Variants in SLX4IP observed in about 807,000 individuals in gnomAD.
SLX4IP encodes SLX4 interacting protein.
A neutral mutation model predicts 32.9 loss-of-function variants in SLX4IP; 34 were observed. The observed-to-expected ratio is 1.03, with a 90% confidence interval of 0.79 to 1.38. The LOEUF is 1.38. SLX4IP is among the 40% of genes most tolerant of loss of function. SLX4IP has a pLI of 0.00. For missense variants in SLX4IP, 444 were observed against 479.0 expected, an observed-to-expected ratio of 0.93 and a Z score of 0.68; for synonymous variants, 172 against 171.7, an observed-to-expected ratio of 1.00 and a Z score of -0.01.
chr20:10,530,825 C>T (rs1204790876), intron 2 of SLX4IP, among the ~76,000 whole-genome samples: 1 of 152,064 alleles, frequency 6.6e-6, no homozygotes, highest in Non-Finnish European at 1.5e-5. Context: ...TACCAAGACT[C>T]TTCCAAAAAA....
intron 2 of SLX4IP, among the ~76,000 whole-genome samples, chr20:10,493,453 T>C (rs2065642357): frequency 6.6e-6 from 1 of 152,222 alleles, no homozygotes; most frequent in Non-Finnish European, 1.5e-5. Flanking sequence ...CCACCAACCA[T>C]ATCGAACTCC....
chr20:10,590,473 G>A (rs1362756796), intron 4 of SLX4IP, among the ~76,000 whole-genome samples: 1 of 152,020 alleles, frequency 6.6e-6, no homozygotes, highest in African/African-American at 2.4e-5. Flanking sequence ...CAATTCTCCT[G>A]CCTCAGCCTC....
At chr20:10,458,933 G>A (rs569198085) in intron 2 of SLX4IP, among the ~76,000 whole-genome samples, 7 of 152,202 alleles carry the variant, frequency 4.6e-5, no homozygotes, top group African/African-American at 1.7e-4. Flanking sequence ...TTAGGGAATC[G>A]CCACACTGTC....
chr20:10,439,417 CCAGACCTGTCT>C (rs2065142780), intron 1 of SLX4IP, among the ~76,000 whole-genome samples: 1 of 152,036 alleles, frequency 6.6e-6, no homozygotes, highest in African/African-American at 2.4e-5. Flanking sequence ...ACCATGTTAC[CCAGACCTGTCT>C]CAAACTCCTG....
At chr20:10,507,428 G>T (rs1051142011) in intron 2 of SLX4IP, among the ~76,000 whole-genome samples, 1 of 152,110 alleles carries the variant, frequency 6.6e-6, no homozygotes, top group South Asian at 2.1e-4. Flanking sequence ...TATAGTCCAC[G>T]GCAGGGGTTT....
At chr20:10,601,557 G>A (rs909314369) in intron 5 of SLX4IP, among the ~76,000 whole-genome samples, 174 bp from the exon 6 acceptor site, 4 of 152,256 alleles carry the variant, frequency 2.6e-5, no homozygotes, top group South Asian at 2.1e-4. Context: ...AGAGCTTTGC[G>A]CTCACCCTGC....
chr20:10,625,413 G>A lies in SLX4IP; in HGVS notation c.*2034G>A, dbSNP rs760727147. On this transcript the variant is annotated 3_prime_UTR_variant, in exon 8 of 8. Coordinates refer to ENST00000334534, the MANE Select transcript of SLX4IP (RefSeq NM_001009608.3). ...AGCCACTGCCTGCTCCAGAACTAGG[G>A]GGGAGATATTTGAGCTGGAGCCACC... 6.6e-6 allele frequency: 1 copy of A among 152,198 alleles called. No homozygotes were observed. Among genetic ancestry groups the A allele is most frequent in the Non-Finnish European group, 1.5e-5 (1 of 68,022 alleles). The allele number at this position is 152,198 out of a possible 1,614,324, so 9.4% of individuals were successfully genotyped here.
intron 4 of SLX4IP, among the ~76,000 whole-genome samples, chr20:10,591,590 G>C (rs2066710720): frequency 6.6e-6 from 1 of 152,218 alleles, no homozygotes; most frequent in African/African-American, 2.4e-5. Flanking sequence ...TTTGTGTATA[G>C]TTATTTAAAG....
At chr20:10,458,892 T>C (rs1342076625) in intron 2 of SLX4IP, among the ~76,000 whole-genome samples, 1 of 152,248 alleles carries the variant, frequency 6.6e-6, no homozygotes, top group Non-Finnish European at 1.5e-5. Flanking sequence ...ATGGGATTGC[T>C]GGGTCAAATG....
At chr20:10,492,229 G>A (rs1568707696) in intron 2 of SLX4IP, among the ~76,000 whole-genome samples, 3 of 152,204 alleles carry the variant, frequency 2.0e-5, no homozygotes, top group Admixed American at 6.5e-5. Flanking sequence ...ACTGGCTGCT[G>A]TAGGGGATGT....
chr20:10,599,470 C>T (rs1276098095), intron 5 of SLX4IP, among the ~76,000 whole-genome samples: 1 of 151,640 alleles, frequency 6.6e-6, no homozygotes, highest in Non-Finnish European at 1.5e-5. Flanking sequence ...CTCACTCTGT[C>T]ACTCAGGCTG....
chr20:10,487,595 G>C (rs998961322), intron 2 of SLX4IP, among the ~76,000 whole-genome samples: 3 of 152,172 alleles, frequency 2.0e-5, no homozygotes, highest in African/African-American at 4.8e-5. Flanking sequence ...TGGGTGTCTT[G>C]ATTAGTCAGC....
chr20:10,550,444 C>T (rs1164314912), intron 2 of SLX4IP, among the ~76,000 whole-genome samples: 1 of 152,138 alleles, frequency 6.6e-6, no homozygotes, highest in Non-Finnish European at 1.5e-5. Context: ...CACACCCAAC[C>T]ACATCCTCTT....
chr20:10,588,704 C>T (rs1207530927), intron 4 of SLX4IP, among the ~76,000 whole-genome samples: 2 of 152,136 alleles, frequency 1.3e-5, no homozygotes, highest in African/African-American at 2.4e-5. Flanking sequence ...CTAAAAAAGC[C>T]TAATTCATAA....
intron 2 of SLX4IP, among the ~76,000 whole-genome samples, chr20:10,524,168 C>T (rs1352741027): frequency 6.6e-6 from 1 of 152,208 alleles, no homozygotes; most frequent in Non-Finnish European, 1.5e-5. Context: ...GAGCTGCAGG[C>T]CTCATGGGGT....
At chr20:10,453,364 G>T (rs1470876550) in intron 1 of SLX4IP, among the ~76,000 whole-genome samples, 1 of 142,770 alleles carries the variant, frequency 7.0e-6, no homozygotes, top group South Asian at 2.2e-4. Context: ...CTCCCCTGCG[G>T]CCTGCTCTGG....
chr20:10,445,932 G>GTTTTTTTTTTTTT (rs2065198680), intron 1 of SLX4IP, among the ~76,000 whole-genome samples: 2 of 126,240 alleles, frequency 1.6e-5, no homozygotes, highest in Admixed American at 7.8e-5. Flanking sequence ...GGCTGAGATT[G>GTTTTTTTTTTTTT]CTTTTTTTTT....
At chr20:10,457,260 G>A (rs2065292484) in intron 1 of SLX4IP, among the ~76,000 whole-genome samples, 1 of 152,040 alleles carries the variant, frequency 6.6e-6, no homozygotes, top group Admixed American at 6.5e-5. Context: ...AAAAGAAGTG[G>A]CAAGAGCAGA....
intron 4 of SLX4IP, among the ~76,000 whole-genome samples, chr20:10,561,452 T>C (rs1460934423): frequency 1.3e-5 from 2 of 152,080 alleles, no homozygotes; most frequent in Admixed American, 1.3e-4. Context: ...AAATAGCTTC[T>C]ACATATGAGT....
Sources: gnomAD v4.1 joint callset for allele counts (sites outside exome capture counted in the v4.1 genomes callset) on GRCh38, gnomAD v4.1.1 for gene constraint, MANE v1.5 for transcripts, NCBI Gene and HGNC (gene_info 2026-07-23, HGNC 2026-07-21) for gene names.